Variants in RXFP1 observed in about 807,000 individuals in gnomAD.
The protein encoded by RXFP1 is relaxin receptor 1.
RXFP1 carries 73 observed loss-of-function variants against 89.8 expected under a neutral mutation model. The ratio of observed to expected loss-of-function variants is 0.81; its 90% CI spans 0.67 to 0.99. RXFP1 has a LOEUF of 0.99. Among genes scored for constraint, RXFP1 ranks in the 50% least tolerant of loss-of-function variants. The pLI is 0.00. For missense variants in RXFP1, 793 were observed against 895.5 expected, an observed-to-expected ratio of 0.89 and a Z score of 1.46; for synonymous variants, 277 against 305.5, an observed-to-expected ratio of 0.91 and a Z score of 0.97.
chr4:158,542,109 A>ATATATATATATATT, intron 1 of RXFP1, among the ~76,000 whole-genome samples: 20 of 35,234 alleles, frequency 5.7e-4, no homozygotes, highest in African/African-American at 1.3e-3. Flanking sequence ...ATATATATAT[A>ATATATATATATATT]TTTTTTTTTT....
chr4:158,608,025 T>A lies in RXFP1; in HGVS notation c.518T>A (p.Leu173Gln). 1.9e-6 allele frequency: 3 copies of A among 1,604,386 alleles called. No homozygotes were observed. The highest frequency in any genetic ancestry group is 2.6e-6 in the Non-Finnish European group (3 of 1,172,186). The change falls in exon 6 of 18, where the codon CTG becomes CAG. Residue 173 changes from leucine to glutamine, a missense_variant. Coordinates refer to ENST00000307765, the MANE Select transcript of RXFP1 (RefSeq NM_021634.4). ...ATCTCCATCTATGCTTTCAGAGGAC[T>A]GAATAGCCTTACTAAACTGTAAGTA... ...TSISIYAFRG[L>Q]NSLTKLYLSH...
intron 1 of RXFP1, among the ~76,000 whole-genome samples, chr4:158,571,220 A>G (rs1754991455): frequency 6.6e-6 from 1 of 152,190 alleles, no homozygotes; most frequent in Non-Finnish European, 1.5e-5. Flanking sequence ...GTTTCATTCA[A>G]TGATGCATGC....
At chr4:158,542,082 T>C (rs1383885459) in intron 1 of RXFP1, among the ~76,000 whole-genome samples, 2 of 14,066 alleles carry the variant, frequency 1.4e-4, no homozygotes, top group Non-Finnish European at 3.6e-4. Context: ...ACCATGGCTA[T>C]ATATATATAT....
At chr4:158,532,306 A>T (rs1435835288) in intron 1 of RXFP1, among the ~76,000 whole-genome samples, 1 of 152,062 alleles carries the variant, frequency 6.6e-6, no homozygotes, top group African/African-American at 2.4e-5. Flanking sequence ...CCATGGTACC[A>T]TATTTTCTTT....
intron 11 of RXFP1, among the ~76,000 whole-genome samples, chr4:158,629,270 A>G (rs1460472628): frequency 2.6e-5 from 4 of 151,992 alleles, no homozygotes; most frequent in African/African-American, 4.8e-5. Context: ...AGGCTAGTAA[A>G]TTTGTTATTA....
intron 1 of RXFP1, among the ~76,000 whole-genome samples, chr4:158,549,915 G>A (rs985188909): frequency 2.6e-5 from 4 of 152,338 alleles, no homozygotes; most frequent in Admixed American, 6.5e-5. Context: ...CACTTGAGGA[G>A]GCAGTCTGCC....
At chr4:158,589,198 A>G in intron 2 of RXFP1, among the ~76,000 whole-genome samples, 1 of 152,148 alleles carries the variant, frequency 6.6e-6, no homozygotes, top group East Asian at 1.9e-4. Flanking sequence ...GCATGGGGGA[A>G]CACGCCCCCA....
chr4:158,624,175 T>C (rs1766239520), intron 9 of RXFP1, among the ~76,000 whole-genome samples: 1 of 152,102 alleles, frequency 6.6e-6, no homozygotes, highest in South Asian at 2.1e-4. Flanking sequence ...AGAAAACAGA[T>C]GGAGGGATTA....
Position 158,607,083 on chromosome 4 carries a change from A to T in RXFP1, c.465-889A>T, listed in dbSNP as rs572039083. The T allele has an allele frequency of 3.5e-4, 545 of 1,536,078 alleles. 1 individual carries two copies. Among genetic ancestry groups the T allele is most frequent in the Non-Finnish European group, 4.3e-4 (498 of 1,146,864 alleles). ...AGAACAATGGTGACCTGCACTCAGA[A>T]CATGAAGGCAGCCTTGAAATCCTTA... On this transcript the variant is annotated intron_variant, in intron 5 of 17. Coordinates refer to ENST00000307765, the MANE Select transcript of RXFP1 (RefSeq NM_021634.4).
At chr4:158,598,240 T>C (rs765449303) in intron 3 of RXFP1, among the ~76,000 whole-genome samples, 2 of 152,352 alleles carry the variant, frequency 1.3e-5, no homozygotes, top group Non-Finnish European at 2.9e-5. Context: ...TTAGCTAATA[T>C]CAGTTTTTAA....
intron 3 of RXFP1, among the ~76,000 whole-genome samples, chr4:158,595,332 G>C (rs1285194449): frequency 1.3e-5 from 2 of 152,196 alleles, no homozygotes; most frequent in Non-Finnish European, 2.9e-5. Flanking sequence ...AGGTGACTAA[G>C]AGTTTATTTT....
At position 158,652,129 on chromosome 4, in the gene RXFP1, A is replaced by ATTTC; in HGVS notation, c.*74_*75insTTTC. The ATTTC allele has an allele frequency of 8.5e-7, 1 of 1,175,442 alleles. No homozygotes were observed. The highest frequency in any genetic ancestry group is 1.2e-6 in the Non-Finnish European group (1 of 842,748). 72.8% of individuals were successfully genotyped at this position (1,175,442 alleles called of 1,614,324 possible). A position where few individuals can be genotyped will look rare whatever the true frequency, so the allele number is the denominator to read the frequency against. On this transcript the variant is annotated 3_prime_UTR_variant, in exon 18 of 18. Transcript: ENST00000307765. ...ATGAGGGATTTACTGGTATGAAATG[A>ATTTC]ATACCACAAAATTAATTTATAATAA... is the stretch of plus-strand genomic sequence containing the variant.
chr4:158,591,327 C>A (rs1266552908), intron 2 of RXFP1, among the ~76,000 whole-genome samples: 9 of 152,182 alleles, frequency 5.9e-5, no homozygotes, highest in Non-Finnish European at 1.3e-4. Flanking sequence ...CTCTGCCTAA[C>A]ATATCAACTG....
chr4:158,576,878 G>T (rs148599997), intron 2 of RXFP1, among the ~76,000 whole-genome samples: 13 of 152,290 alleles, frequency 8.5e-5, no homozygotes, highest in African/African-American at 3.1e-4. Flanking sequence ...CATCTTTAGA[G>T]TCCAGGTGAT....
chr4:158,549,549 T>G (rs1749524140), intron 1 of RXFP1, among the ~76,000 whole-genome samples: 1 of 152,186 alleles, frequency 6.6e-6, no homozygotes, highest in Admixed American at 6.5e-5. Flanking sequence ...GTTTCCAGTT[T>G]TTCTGCTCTG....
chr4:158,600,540 GTAA>G (rs1449786590), intron 4 of RXFP1, among the ~76,000 whole-genome samples: 1 of 152,112 alleles, frequency 6.6e-6, no homozygotes, highest in Non-Finnish European at 1.5e-5. Flanking sequence ...CTAGAAAAAA[GTAA>G]TAATTCCCCA....
intron 1 of RXFP1, among the ~76,000 whole-genome samples, chr4:158,522,232 G>A (rs11737507): frequency 0.78 from 118,534 of 152,144 alleles, 46,619 homozygotes; most frequent in East Asian, 0.98. Context: ...ATAGTGAAGC[G>A]AGACTGATGT....
chr4:158,547,606 T>A (rs1360103138), intron 1 of RXFP1, among the ~76,000 whole-genome samples: 2 of 152,172 alleles, frequency 1.3e-5, no homozygotes, highest in Non-Finnish European at 2.9e-5. Context: ...AATTTCCCTC[T>A]ACACACTGCT....
chr4:158,607,034 A>G (rs1762653856), intron 5 of RXFP1: 2 of 1,517,674 alleles, frequency 1.3e-6, no homozygotes, highest in East Asian at 4.9e-5. Flanking sequence ...AACAAATTGC[A>G]TATAAACTTT....
Sources: allele counts gnomAD v4.1 joint callset (sites outside exome capture counted in the v4.1 genomes callset), GRCh38; gene constraint gnomAD v4.1.1; transcripts MANE v1.5; gene names NCBI Gene and HGNC (gene_info 2026-07-23, HGNC 2026-07-21).